The following SKAP2 variants were observed in gnomAD, a reference collection of about 807,000 sequenced individuals.
The protein encoded by SKAP2 is src kinase associated phosphoprotein 2, also known as src kinase-associated phosphoprotein 2.
A neutral mutation model predicts 54.9 loss-of-function variants in SKAP2; 28 were observed. That is an observed-to-expected ratio of 0.51 (90% CI 0.38 to 0.70). The LOEUF (loss-of-function observed/expected upper bound fraction) is 0.70, where lower values mean the gene tolerates loss of function less well. Among genes scored for constraint, SKAP2 ranks in the 30% least tolerant of loss-of-function variants. The pLI is 0.00. For synonymous variants in SKAP2, 137 were observed against 134.3 expected, an observed-to-expected ratio of 1.02 and a Z score of -0.14; for missense variants, 356 against 424.1, an observed-to-expected ratio of 0.84 and a Z score of 1.41.
chr7:26,827,141 T>A (rs1322929989), intron 4 of SKAP2, among the ~76,000 whole-genome samples: 1 of 152,174 alleles, frequency 6.6e-6, no homozygotes, highest in South Asian at 2.1e-4. Context: ...AAGAAAGACA[T>A]GAGCATGTTC....
intron 3 of SKAP2, among the ~76,000 whole-genome samples, chr7:26,849,033 G>A (rs1263227138): frequency 1.3e-5 from 2 of 152,188 alleles, no homozygotes; most frequent in Admixed American, 6.5e-5. Flanking sequence ...GTGGGGGTAG[G>A]TGGTCGAAGG....
At chr7:26,791,093 TTTC>T (rs2127981565) in intron 4 of SKAP2, among the ~76,000 whole-genome samples, 1 of 152,218 alleles carries the variant, frequency 6.6e-6, no homozygotes, top group South Asian at 2.1e-4. Flanking sequence ...ATTCAATACA[TTTC>T]TTAACAGGGC....
chr7:26,744,538 GGA>G (rs759285192), intron 4 of SKAP2, among the ~76,000 whole-genome samples: 1 of 152,092 alleles, frequency 6.6e-6, no homozygotes, highest in Non-Finnish European at 1.5e-5. Context: ...TAGAGTTGGG[GGA>G]GAGAGAGAAA....
chr7:26,680,165 G>A lies in SKAP2; in HGVS notation c.987+4571C>T, dbSNP rs113848223. Among the ~76,000 whole-genome samples, 1,175 of 152,210 alleles carry A rather than the reference G, an allele frequency of 7.7e-3. 13 individuals are homozygous for A. The highest frequency in any genetic ancestry group is 0.027 in the African/African-American group (1,121 of 41,516). ...GTTTATTGCTTTAAAAGTAAGTATA[G>A]CAATGTGGTTTGCAAATTAATGATG... is the stretch of plus-strand genomic sequence containing the variant. On this transcript the variant is annotated intron_variant, in intron 11 of 12. Transcript: ENST00000345317.
chr7:26,683,730 T>G (rs780088416), intron 11 of SKAP2, among the ~76,000 whole-genome samples: 4 of 152,196 alleles, frequency 2.6e-5, no homozygotes, highest in Admixed American at 6.5e-5. Flanking sequence ...GTTCGATGAT[T>G]CTCTGTGTTA....
chr7:26,661,349 A>G, the SKAP2 span, among the ~76,000 whole-genome samples: 2 of 152,170 alleles, frequency 1.3e-5, no homozygotes, highest in Non-Finnish European at 2.9e-5. Flanking sequence ...TTTAACTAGA[A>G]AGTGTGTATT....
At chr7:26,765,601 G>T (rs1430066632) in intron 4 of SKAP2, among the ~76,000 whole-genome samples, 1 of 152,112 alleles carries the variant, frequency 6.6e-6, no homozygotes, top group African/African-American at 2.4e-5. Context: ...TATGGTGTTA[G>T]GTTTTACATT....
chr7:26,767,870 T>C (rs1783096520), intron 4 of SKAP2, among the ~76,000 whole-genome samples: 1 of 152,180 alleles, frequency 6.6e-6, no homozygotes. Context: ...TGAGGAGTGT[T>C]TTACTTCCAA....
chr7:26,735,752 A>G lies in SKAP2; in HGVS notation c.469+3043T>C, dbSNP rs1036309673. On this transcript the variant is annotated intron_variant, in intron 6 of 12. Transcript: ENST00000345317. ...ACAGTAAACAAGGCTATAAAAAATCATATCTAATTTCACAAAAGAAAAAAA... is the reference window on the plus strand; with the variant it reads ...ACAGTAAACAAGGCTATAAAAAATCGTATCTAATTTCACAAAAGAAAAAAA... Among the ~76,000 whole-genome samples the G allele has an allele frequency of 3.9e-5, 6 of 152,340 alleles. 1 individual carries two copies. The highest frequency in any genetic ancestry group is 1.9e-4 in the East Asian group (1 of 5,192).
the SKAP2 span, among the ~76,000 whole-genome samples, chr7:26,658,830 A>AC: frequency 1.9e-4 from 24 of 129,000 alleles, no homozygotes; most frequent in South Asian, 8.8e-4. Flanking sequence ...CCCACCCCCC[A>AC]CCCCCCCACC....
chr7:26,699,317 A>G (rs1451573416), intron 9 of SKAP2, among the ~76,000 whole-genome samples: 1 of 152,212 alleles, frequency 6.6e-6, no homozygotes, highest in Non-Finnish European at 1.5e-5. Flanking sequence ...ATATCACAAT[A>G]AACTGAATGT....
chr7:26,795,820 T>C (rs989009208), intron 4 of SKAP2, among the ~76,000 whole-genome samples: 2 of 152,138 alleles, frequency 1.3e-5, no homozygotes. Flanking sequence ...TCATTAGTGG[T>C]TGTTAGGGGT....
At chr7:26,826,856 C>T (rs775307923) in intron 4 of SKAP2, among the ~76,000 whole-genome samples, 1 of 152,144 alleles carries the variant, frequency 6.6e-6, no homozygotes, top group Non-Finnish European at 1.5e-5. Flanking sequence ...AACTTTTATT[C>T]CATCTAGCAC....
At chr7:26,776,416 G>C (rs1783308610) in intron 4 of SKAP2, among the ~76,000 whole-genome samples, 1 of 152,092 alleles carries the variant, frequency 6.6e-6, no homozygotes, top group Non-Finnish European at 1.5e-5. Context: ...TAATGTCTAA[G>C]ACTGAACTCA....
intron 4 of SKAP2, among the ~76,000 whole-genome samples, chr7:26,758,092 T>C (rs1467580723): frequency 1.3e-5 from 2 of 152,174 alleles, no homozygotes; most frequent in Non-Finnish European, 2.9e-5. Flanking sequence ...TTAAGAAATA[T>C]CTGGTTCCAT....
chr7:26,707,969 C>A (rs918089934), intron 9 of SKAP2, among the ~76,000 whole-genome samples: 2 of 152,162 alleles, frequency 1.3e-5, no homozygotes, highest in African/African-American at 4.8e-5. Context: ...AAGAAAAACA[C>A]TTCCAGAACC....
intron 1 of SKAP2, among the ~76,000 whole-genome samples, chr7:26,864,107 A>G (rs1161024050): frequency 6.8e-6 from 1 of 147,830 alleles, no homozygotes; most frequent in Non-Finnish European, 1.5e-5. Flanking sequence ...GCACATAGAA[A>G]CGTCCTGATC....
chr7:26,738,956 C>G, intron 5 of SKAP2, 78 bp from the exon 6 acceptor site: 1 of 857,420 alleles, frequency 1.2e-6, no homozygotes, highest in Non-Finnish European at 2.0e-6. Context: ...TTCTAAGATT[C>G]CTCTGAGCTC....
chr7:26,768,818 T>C (rs7777316), intron 4 of SKAP2, among the ~76,000 whole-genome samples: 57,995 of 152,118 alleles, frequency 0.38, 11,644 homozygotes, highest in Middle Eastern at 0.48. Context: ...TTTCTGCAGA[T>C]AGATCCGCTG....
Sources: allele counts gnomAD v4.1 joint callset (sites outside exome capture counted in the v4.1 genomes callset), GRCh38; gene constraint gnomAD v4.1.1; transcripts MANE v1.5; gene names NCBI Gene and HGNC (gene_info 2026-07-23, HGNC 2026-07-21).